Variants in ADGRL1 observed in about 807,000 individuals in gnomAD.
ADGRL1 encodes the protein adhesion G protein-coupled receptor L1, also known as CIRL-1.
In ADGRL1, 31 loss-of-function variants were observed where a neutral mutation model predicts 148.9. The observed-to-expected ratio is 0.21, with a 90% CI of 0.16 to 0.28. The LOEUF (loss-of-function observed/expected upper bound fraction) is 0.28, where lower values mean the gene tolerates loss of function less well. ADGRL1 is among the 10% of genes least tolerant of loss of function. The pLI, the probability that ADGRL1 is intolerant of heterozygous loss-of-function variation, is 1.00. For missense variants in ADGRL1, 1,521 were observed against 2,058.8 expected (o/e 0.74, Z 5.05); for synonymous variants, 937 against 900.3 (o/e 1.04, Z -0.73).
chr19:14,163,897 A>C (rs1412674002), intron 4 of ADGRL1, among the ~76,000 whole-genome samples: 1 of 151,512 alleles, frequency 6.6e-6, no homozygotes, highest in African/African-American at 2.4e-5. Context: ...CCACTTAGGG[A>C]AGAGCTAGGG....
In ADGRL1 at chr19:14,203,043, C is replaced by A. The variant is rs534848795; in HGVS notation, c.-96+2942G>T. ...TTGGCCTCCCACCTCACTCCAGGACCCGTCTCTCCCCTTCCATCAGGGTGC... is the reference window on the plus strand; with the variant it reads ...TTGGCCTCCCACCTCACTCCAGGACACGTCTCTCCCCTTCCATCAGGGTGC... On this transcript the variant is annotated intron_variant, in intron 1 of 22. Coordinates refer to ENST00000361434, the MANE Select transcript of ADGRL1 (RefSeq NM_014921.5). Among the ~76,000 whole-genome samples, 384 of 152,280 alleles carry A rather than the reference C, an allele frequency of 2.5e-3. 2 individuals carry two copies. The highest frequency in any genetic ancestry group is 4.4e-3 in the Non-Finnish European group (299 of 68,026).
At chr19:14,156,755 A>G in intron 15 of ADGRL1, 31 bp from the exon 16 acceptor site, 1 of 1,592,168 alleles carries the variant, frequency 6.3e-7, no homozygotes, top group Non-Finnish European at 8.6e-7. Flanking sequence ...GGGTATAGAG[A>G]GAAGCCGAGG....
chr19:14,187,726 G>A (rs1006745314), intron 1 of ADGRL1, among the ~76,000 whole-genome samples: 1 of 152,058 alleles, frequency 6.6e-6, no homozygotes, highest in African/African-American at 2.4e-5. Flanking sequence ...CATGGCCGGT[G>A]TCACTTTCAA....
At chr19:14,173,943 C>CAAAAAA (rs774211423) in intron 3 of ADGRL1, among the ~76,000 whole-genome samples, 12 of 32,970 alleles carry the variant, frequency 3.6e-4, no homozygotes, top group African/African-American at 1.3e-3. Flanking sequence ...GACTCCGTCT[C>CAAAAAA]AAAAAAAAAA....
At position 14,160,075 on chromosome 19, in the gene ADGRL1, C is replaced by G; in HGVS notation, c.1800+37G>C. ...TCCCAAGCCCCTGGGGGCAGGCGCC[C>G]TCCCCATACCAGGTCAGCGCCACCG... On this transcript the variant is annotated intron_variant, in intron 8 of 22. Coordinates refer to ENST00000361434, the MANE Select transcript of ADGRL1 (RefSeq NM_014921.5). The surrounding 1 kb of genome is among the most constrained non-coding windows in gnomAD (Gnocchi z 5.9). 1 of 1,537,532 alleles carries G rather than the reference C, an allele frequency of 6.5e-7. No homozygotes were observed. The highest frequency in any genetic ancestry group is 1.4e-5 in the African/African-American group (1 of 73,328).
chr19:14,151,290 GAGA>G lies in ADGRL1; in HGVS notation c.3990_3992del (p.Leu1331del), dbSNP rs779247813. ...GCAGAGGCTCCTCCAGGGCCTTATA[GAGA>G]AGTTCAATCTCGGCCCGGTCAGCAC... On this transcript the variant is annotated inframe_deletion, in exon 23 of 23. Coordinates refer to ENST00000361434, the MANE Select transcript of ADGRL1 (RefSeq NM_014921.5). 6.2e-7 allele frequency: 1 copy of G among 1,611,370 alleles called. No individual in the cohort carries two copies. Among genetic ancestry groups the G allele is most frequent in the South Asian group, 1.1e-5 (1 of 91,028 alleles).
rs1050681289 is a variant in ADGRL1 at position 14,165,847 on chromosome 19, T to C, written c.395-2441A>G. Among the ~76,000 whole-genome samples the C allele has an allele frequency of 5.3e-5, 8 of 152,158 alleles. No individual in the cohort carries two copies. In the East Asian group the frequency reaches 1.5e-3, roughly 29 times the overall value. On this transcript the variant is annotated intron_variant, in intron 4 of 22. Coordinates refer to ENST00000361434, the MANE Select transcript of ADGRL1 (RefSeq NM_014921.5). ...TCGGAAGGGATGCTCCACAGACCACTGTAATTTCAAGGCAAAAGGGATCCC... is the reference window on the plus strand; with the variant it reads ...TCGGAAGGGATGCTCCACAGACCACCGTAATTTCAAGGCAAAAGGGATCCC...
chr19:14,151,055 C>CGG lies in ADGRL1; in HGVS notation c.4226_4227dup (p.Ala1410ProfsTer119). ...TAGATTTCGGGGGGGCCGGGGGGTGCGGGAGGGGGTGGGGGCAGGGCCTCA... is the reference window on the plus strand; with the variant it reads ...TAGATTTCGGGGGGGCCGGGGGGTGCGGGGGAGGGGGTGGGGGCAGGGCCTCA... On this transcript the variant is annotated frameshift_variant, in exon 23 of 23. Coordinates refer to ENST00000361434, the MANE Select transcript of ADGRL1 (RefSeq NM_014921.5). LOFTEE classifies it high-confidence loss of function. The CGG allele has an allele frequency of 4.1e-6, 1 of 246,284 alleles. No homozygotes were observed. The highest frequency in any genetic ancestry group is 2.3e-4 in the Admixed American group (1 of 4,396). 15.3% of individuals were successfully genotyped at this position (246,284 alleles called of 1,614,324 possible).
At position 14,157,503 on chromosome 19, in the gene ADGRL1, G is replaced by C. The variant is rs751206822; in HGVS notation, c.2536-43C>G. On this transcript the variant is annotated intron_variant, in intron 13 of 22. Transcript: ENST00000361434. The surrounding 1 kb of genome is among the most constrained non-coding windows in gnomAD (Gnocchi z 7.5). ...GGGCACGCTCAGGGCCTTTGGTTTT[G>C]CACGCTGGGCTCAGCCAGGTGCCAG... is the stretch of plus-strand genomic sequence containing the variant. 4.4e-6 allele frequency: 7 copies of C among 1,589,306 alleles called. No homozygotes were observed. In the African/African-American group the frequency reaches 9.4e-5, roughly 21 times the overall value.
chr19:14,177,082 TAGTC>T (rs1208641890), intron 3 of ADGRL1, among the ~76,000 whole-genome samples: 2 of 151,962 alleles, frequency 1.3e-5, no homozygotes, highest in Non-Finnish European at 2.9e-5. Flanking sequence ...ACAAAAAAAT[TAGTC>T]AGGCGTGGTG....
intron 16 of ADGRL1, among the ~76,000 whole-genome samples, chr19:14,156,431 A>G (rs1247514329): frequency 6.6e-6 from 1 of 152,032 alleles, no homozygotes; most frequent in African/African-American, 2.4e-5. Context: ...GGCCTGACAC[A>G]CACTAGGGGC....
rs1167163708 is a variant in ADGRL1, at chr19:14,157,542, C to T, written c.2536-82G>A. On this transcript the variant is annotated intron_variant, in intron 13 of 22. Coordinates refer to ENST00000361434, the MANE Select transcript of ADGRL1 (RefSeq NM_014921.5). This position sits in a 1 kb window ranked among gnomAD's most constrained non-coding sequence, Gnocchi z 7.5. ...GCCAGGTGCCAGCCACAGACAGGGC[C>T]CTGGGCAAGGCCATGGGCCGTGAGG... 1 of 1,433,120 alleles carries T rather than the reference C, an allele frequency of 7.0e-7. No homozygotes were observed. Among genetic ancestry groups the T allele is most frequent in the African/African-American group, 1.4e-5 (1 of 71,236 alleles). The allele number at this position is 1,433,120 out of a possible 1,614,324, so 88.8% of individuals were successfully genotyped here.
intron 4 of ADGRL1, chr19:14,168,705 T>G (rs910453262): frequency 1.3e-5 from 2 of 152,232 alleles, no homozygotes; most frequent in African/African-American, 4.8e-5. Flanking sequence ...GAATTTTTCC[T>G]GCCCTTTATC....
At chr19:14,173,861 T>C (rs1970639604) in intron 3 of ADGRL1, among the ~76,000 whole-genome samples, 1 of 149,096 alleles carries the variant, frequency 6.7e-6, no homozygotes, top group Non-Finnish European at 1.5e-5. Flanking sequence ...GCAGGAGGAC[T>C]GTTTGAACCG....
At chr19:14,156,531 C>T (rs923979143) in intron 16 of ADGRL1, 127 bp downstream of exon 16, 27 of 700,570 alleles carry the variant, frequency 3.9e-5, no homozygotes, top group Non-Finnish European at 6.0e-5. Flanking sequence ...TGGCTCAGTT[C>T]CGATGTGTGG....
At chr19:14,167,476 G>A (rs1052909415) in intron 4 of ADGRL1, among the ~76,000 whole-genome samples, 7 of 152,096 alleles carry the variant, frequency 4.6e-5, no homozygotes, top group Admixed American at 6.5e-5. Flanking sequence ...TAAGCCACTC[G>A]GCTCCCTTCC....
chr19:14,161,519 T>G lies in ADGRL1; in HGVS notation c.1303A>C (p.Thr435Pro). 1 of 1,438,758 alleles carries G rather than the reference T, an allele frequency of 7.0e-7. No individual in the cohort carries two copies. The highest frequency in any genetic ancestry group is 1.5e-5 in the South Asian group (1 of 66,772). The allele number at this position is 1,438,758 out of a possible 1,614,324, so 89.1% of individuals were successfully genotyped here. ...TTGATGGCACCCACTGGGTGCGTGGTGAGGGGTGCCCGGCGGAGCGGGGTG... is the reference window on the plus strand; with the variant it reads ...TTGATGGCACCCACTGGGTGCGTGGGGAGGGGTGCCCGGCGGAGCGGGGTG... The part of the protein sequence containing the change: ...ATTPLRRAPL[T>P]THPVGAINQL... Residue 435 changes from threonine (T) to proline (P), a missense_variant, in exon 6 of 23, where the codon ACC becomes CCC. Physicochemically the swap from Thr to Pro is conservative, Grantham distance 38. Coordinates refer to ENST00000361434, the MANE Select transcript of ADGRL1 (RefSeq NM_014921.5). This position sits in a 1 kb window ranked among gnomAD's most constrained non-coding sequence, Gnocchi z 4.4.
intron 1 of ADGRL1, among the ~76,000 whole-genome samples, chr19:14,185,286 T>TTC (rs566995029): frequency 1.3e-5 from 2 of 151,922 alleles, no homozygotes; most frequent in Middle Eastern, 3.4e-3. Context: ...GAAACACACA[T>TTC]TCTCTCTCTC....
At position 14,206,096 on chromosome 19, in the gene ADGRL1, G is replaced by A. The variant is rs1418164894; in HGVS notation, c.-207C>T. 1 of 151,574 alleles carries A rather than the reference G, an allele frequency of 6.6e-6. No individual in the cohort carries two copies. The highest frequency in any genetic ancestry group is 1.5e-5 in the Non-Finnish European group (1 of 67,818). 9.4% of individuals were successfully genotyped at this position (151,574 alleles called of 1,614,324 possible). On this transcript the variant is annotated 5_prime_UTR_variant, in exon 1 of 23. Transcript: ENST00000361434. Reference sequence around the variant, plus strand: ...GCCGGGGCTGGGGGGAAGCGGGTAGGAGGTGGCGGGACGAGGGCGGCCTCC... The same window carrying A: ...GCCGGGGCTGGGGGGAAGCGGGTAGAAGGTGGCGGGACGAGGGCGGCCTCC...
Sources: allele counts gnomAD v4.1 joint callset (sites outside exome capture counted in the v4.1 genomes callset), GRCh38; gene constraint gnomAD v4.1.1; non-coding constraint Gnocchi (gnomAD v3.1); transcripts MANE v1.5; gene names NCBI Gene and HGNC (gene_info 2026-07-23, HGNC 2026-07-21).